Variants in PLEKHG4B observed in about 807,000 individuals in gnomAD.
PLEKHG4B encodes the protein pleckstrin homology and RhoGEF domain containing G4B, also known as pleckstrin homology domain-containing family G member 4B.
PLEKHG4B carries 111 observed loss-of-function variants against 121.3 expected under a neutral mutation model. That is an observed-to-expected ratio of 0.92 (90% CI 0.78 to 1.07). The LOEUF is 1.07. Ranked by LOEUF, PLEKHG4B falls within the 50% of genes least tolerant of loss-of-function variation. The pLI is 0.00. For missense variants in PLEKHG4B, 1,831 were observed against 1,757.8 expected (o/e 1.04, Z -0.74); for synonymous variants, 738 against 725.0 (o/e 1.02, Z -0.29).
intron 1 of PLEKHG4B, among the ~76,000 whole-genome samples, chr5:98,736 G>A (rs531370825): frequency 2.6e-4 from 39 of 147,204 alleles, no homozygotes; most frequent in Middle Eastern, 3.5e-3. Flanking sequence ...GCCTCCCAAA[G>A]TGCTGGGATT....
intron 1 of PLEKHG4B, among the ~76,000 whole-genome samples, chr5:103,025 A>T (rs557104204): frequency 6.6e-6 from 1 of 152,188 alleles, no homozygotes; most frequent in East Asian, 1.9e-4. Flanking sequence ...GCACCCCTCC[A>T]TTGCAGAGTT....
chr5:168,317 T>C (rs946063175), intron 13 of PLEKHG4B, among the ~76,000 whole-genome samples: 2 of 152,154 alleles, frequency 1.3e-5, no homozygotes, highest in South Asian at 2.1e-4. Flanking sequence ...CCCTGGGGCC[T>C]AGCCTGCTGT....
chr5:109,551 C>T (rs1298352016), intron 1 of PLEKHG4B, among the ~76,000 whole-genome samples: 1 of 152,306 alleles, frequency 6.6e-6, no homozygotes, highest in Non-Finnish European at 1.5e-5. Context: ...CGCTAACCCA[C>T]GGGTGACACA....
Position 161,886 on chromosome 5 carries a change from C to A in PLEKHG4B, c.2591C>A (p.Ala864Asp). Residue 864 changes from alanine to aspartate, a missense_variant, in exon 12 of 20, where the codon GCT becomes GAT. By Grantham distance (126) the Ala-to-Asp change is moderately radical. Coordinates refer to ENST00000637938, the MANE Select transcript of PLEKHG4B (RefSeq NM_052909.5). ...GGCCTGAGCGCCGTGGTCAGCCAGG[C>A]TGAGTGCAGGGAGGGAGAGCTGGCC... ...RRGLSAVVSQAECREGELARW... is the reference protein window; with the variant it reads ...RRGLSAVVSQDECREGELARW... 4.3e-6 allele frequency: 7 copies of A among 1,613,728 alleles called. No homozygotes were observed. The highest frequency in any genetic ancestry group is 5.9e-6 in the Non-Finnish European group (7 of 1,180,030).
Position 126,226 on chromosome 5 carries a change from G to A in PLEKHG4B, c.243+12778G>A, listed in dbSNP as rs972431701. 9.9e-5 allele frequency among the ~76,000 whole-genome samples: 15 copies of A among 152,206 alleles called. No individual in the cohort carries two copies. In the East Asian group the frequency reaches 1.9e-3, roughly 20 times the overall value. Reference sequence around the variant, plus strand: ...CTTCTGGAACTCCCATTTTACATATGCTGGCTGCTCGATGGTATCCCACAG... The same window carrying A: ...CTTCTGGAACTCCCATTTTACATATACTGGCTGCTCGATGGTATCCCACAG... On this transcript the variant is annotated intron_variant, in intron 2 of 19. Coordinates refer to ENST00000637938, the MANE Select transcript of PLEKHG4B (RefSeq NM_052909.5).
intron 7 of PLEKHG4B, among the ~76,000 whole-genome samples, chr5:152,929 CTCCT>C (rs1465633757): frequency 6.6e-6 from 1 of 152,218 alleles, no homozygotes; most frequent in Non-Finnish European, 1.5e-5. Context: ...TGTCTTGCTT[CTCCT>C]TTGCCTTCTG....
chr5:153,714 C>G (rs1252185788), intron 7 of PLEKHG4B, among the ~76,000 whole-genome samples: 2 of 152,182 alleles, frequency 1.3e-5, no homozygotes, highest in Non-Finnish European at 2.9e-5. Context: ...GAGACAAGAT[C>G]AAGCTGTATT....
At chr5:163,611 AT>A in intron 13 of PLEKHG4B, 63 bp downstream of exon 13, 2 of 1,334,064 alleles carry the variant, frequency 1.5e-6, no homozygotes, top group Non-Finnish European at 2.0e-6. Context: ...ACCCAAAGCC[AT>A]TTAGGCAGTA....
rs2126363392 is a variant in PLEKHG4B, at chr5:117,700, A to G, written c.243+4252A>G. ...AAACCCCATCTCTACTAAAAACACA[A>G]AAGTTAGCCGGGCGTGGTGGCAGGT... is the stretch of plus-strand genomic sequence containing the variant. On this transcript the variant is annotated intron_variant, in intron 2 of 19. Transcript: ENST00000637938. 1.3e-5 allele frequency among the ~76,000 whole-genome samples: 2 copies of G among 152,234 alleles called. 1 individual carries two copies. Among genetic ancestry groups the G allele is most frequent in the South Asian group, 4.1e-4 (2 of 4,820 alleles).
At chr5:176,513 G>C (rs573636542) in intron 18 of PLEKHG4B, among the ~76,000 whole-genome samples, 1 of 152,356 alleles carries the variant, frequency 6.6e-6, no homozygotes, top group African/African-American at 2.4e-5. Context: ...GCTCGCAAGT[G>C]GGGAAGCTGA....
chr5:145,727 T>C (rs1735385855), intron 6 of PLEKHG4B, among the ~76,000 whole-genome samples: 1 of 152,044 alleles, frequency 6.6e-6, no homozygotes, highest in Non-Finnish European at 1.5e-5. Flanking sequence ...AAGATGCTGC[T>C]GCCTGAGCAG....
chr5:109,440 C>T (rs1312759470), intron 1 of PLEKHG4B, among the ~76,000 whole-genome samples: 1 of 149,888 alleles, frequency 6.7e-6, no homozygotes, highest in East Asian at 1.9e-4. Context: ...GAGGCAAAGG[C>T]CACAGCAGTG....
intron 1 of PLEKHG4B, among the ~76,000 whole-genome samples, chr5:106,704 C>A (rs10065373): frequency 6.6e-6 from 1 of 152,138 alleles, no homozygotes; most frequent in African/African-American, 2.4e-5. Context: ...TGAGAGCAGA[C>A]GTAGGTGTTG....
At chr5:155,103 G>A (rs1735729500) in intron 8 of PLEKHG4B, 112 bp downstream of exon 8, 1 of 987,264 alleles carries the variant, frequency 1.0e-6, no homozygotes, top group Admixed American at 1.9e-5. Flanking sequence ...TCTGATGCTT[G>A]TTACAGTCGC....
At chr5:128,399 G>A (rs995396242) in intron 2 of PLEKHG4B, among the ~76,000 whole-genome samples, 7 of 152,144 alleles carry the variant, frequency 4.6e-5, no homozygotes, top group Non-Finnish European at 8.8e-5. Flanking sequence ...GGTTTGTAGG[G>A]CATGAACTCC....
At chr5:135,683 ATATATATATATATATATATATAT>A (rs1234092186) in intron 2 of PLEKHG4B, among the ~76,000 whole-genome samples, 16 of 16,118 alleles carry the variant, frequency 9.9e-4, no homozygotes, top group South Asian at 4.9e-3. Flanking sequence ...AAAAAAAAAA[ATATATATATATATATATATATAT>A]ATATATATAT....
In PLEKHG4B at chr5:113,412, C is replaced by G; in HGVS notation, c.207C>G (p.Ala69=). The G allele has an allele frequency of 2.5e-6, 1 of 399,130 alleles. No individual in the cohort carries two copies. Among genetic ancestry groups the G allele is most frequent in the African/African-American group, 2.1e-5 (1 of 48,754 alleles). The allele number at this position is 399,130 out of a possible 1,614,324, so 24.7% of individuals were successfully genotyped here. The change falls in exon 2 of 20, where the codon GCC becomes GCG. Residue 69 remains alanine (A), a synonymous_variant. Transcript: ENST00000637938. This position sits in a 1 kb window ranked among gnomAD's most constrained non-coding sequence, Gnocchi z 5.2. ...LHCLTSFLLP[A]KRALQHLQQE... ...GCCTCACCAGCTTCCTCCTCCCAGC[C>G]AAGAGGGCCCTGCAGCACCTGCAGC... is the stretch of plus-strand genomic sequence containing the variant.
chr5:142,333 G>A (rs1735235044), intron 3 of PLEKHG4B, among the ~76,000 whole-genome samples: 1 of 151,774 alleles, frequency 6.6e-6, no homozygotes, highest in South Asian at 2.1e-4. Flanking sequence ...ACCACACACA[G>A]TCACATGCCT....
intron 2 of PLEKHG4B, among the ~76,000 whole-genome samples, chr5:119,651 G>C (rs770416044): frequency 7.9e-5 from 12 of 152,208 alleles, no homozygotes; most frequent in Admixed American, 4.6e-4. Context: ...GGACCAAACT[G>C]TGGAGAGACA....
Sources: gnomAD v4.1 joint callset for allele counts (sites outside exome capture counted in the v4.1 genomes callset) on GRCh38, gnomAD v4.1.1 for gene constraint, Gnocchi (gnomAD v3.1) non-coding constraint, MANE v1.5 for transcripts, NCBI Gene and HGNC (gene_info 2026-07-23, HGNC 2026-07-21) for gene names.